ANKRD6: variants seen among roughly 807,000 people sequenced by gnomAD.
ANKRD6 encodes the protein ankyrin repeat domain-containing protein 6.
ANKRD6 carries 56 observed loss-of-function variants against 82.3 expected under a neutral mutation model. That is an observed-to-expected ratio of 0.68 (90% CI 0.55 to 0.85). The LOEUF (loss-of-function observed/expected upper bound fraction) is 0.85. ANKRD6 is among the 40% of genes least tolerant of loss of function. The probability of loss-of-function intolerance (pLI) is 0.00; values close to 1 mark genes in which losing one functional copy is unlikely to be tolerated. For missense variants in ANKRD6, 852 were observed against 907.6 expected (o/e 0.94, Z 0.79); for synonymous variants, 347 against 352.1 (o/e 0.99, Z 0.16).
chr6:89,522,615 T>C (rs1782018410), intron 1 of ANKRD6, among the ~76,000 whole-genome samples: 1 of 152,198 alleles, frequency 6.6e-6, no homozygotes, highest in Admixed American at 6.5e-5. Context: ...GACAGTGATT[T>C]AGTTAAGCTT....
intron 3 of ANKRD6, among the ~76,000 whole-genome samples, chr6:89,599,335 T>C (rs1796581340): frequency 6.6e-6 from 1 of 152,230 alleles, no homozygotes; most frequent in Non-Finnish European, 1.5e-5. Context: ...ATCATGCCAC[T>C]GCACTCTAGC....
At chr6:89,485,925 G>A (rs926282271) in intron 1 of ANKRD6, among the ~76,000 whole-genome samples, 1 of 152,070 alleles carries the variant, frequency 6.6e-6, no homozygotes, top group African/African-American at 2.4e-5. Flanking sequence ...TAACTACAGT[G>A]TTCTATTACC....
intron 1 of ANKRD6, among the ~76,000 whole-genome samples, chr6:89,456,257 A>G (rs950805718): frequency 2.6e-5 from 4 of 152,174 alleles, no homozygotes; most frequent in African/African-American, 9.7e-5. Flanking sequence ...TGTGGATTAC[A>G]TTTCAGCATG....
intron 3 of ANKRD6, chr6:89,601,724 C>T (rs1298695841): frequency 6.6e-6 from 1 of 152,126 alleles, no homozygotes; most frequent in Non-Finnish European, 1.5e-5. Context: ...GTGCAACCAT[C>T]ACCACCATCT....
chr6:89,566,897 T>G lies in ANKRD6; in HGVS notation c.-80T>G. 6.6e-7 allele frequency: 1 copy of G among 1,521,802 alleles called. No individual in the cohort carries two copies. The highest frequency in any genetic ancestry group is 8.9e-7 in the Non-Finnish European group (1 of 1,124,874). 94.3% of individuals were successfully genotyped at this position (1,521,802 alleles called of 1,614,324 possible). On this transcript the variant is annotated 5_prime_UTR_variant, in exon 2 of 16. Coordinates refer to ENST00000339746, the MANE Select transcript of ANKRD6 (RefSeq NM_001242809.2). ...GATTGTGAACATCTTTACCTCTGGG[T>G]GCCAGGCCGGGCCAGTGACTTCGTG...
At chr6:89,495,000 C>T (rs10944449) in intron 1 of ANKRD6, among the ~76,000 whole-genome samples, 42,019 of 151,936 alleles carry the variant, frequency 0.28, 6,361 homozygotes, top group Non-Finnish European at 0.35. Context: ...TTTGGGAGGC[C>T]GAGGTGGGCG....
chr6:89,502,996 C>T (rs1157764305), intron 1 of ANKRD6, among the ~76,000 whole-genome samples: 1 of 152,158 alleles, frequency 6.6e-6, no homozygotes, highest in African/African-American at 2.4e-5. Flanking sequence ...TGCACCCTCC[C>T]TATAGTGCTG....
intron 1 of ANKRD6, among the ~76,000 whole-genome samples, chr6:89,513,404 C>T (rs1470158402): frequency 6.6e-6 from 1 of 152,198 alleles, no homozygotes; most frequent in Non-Finnish European, 1.5e-5. Context: ...CCAAATCACT[C>T]TCTTGACTTA....
At chr6:89,618,145 C>A (rs778983150) in intron 9 of ANKRD6, 114 bp downstream of exon 9, 33 of 1,206,562 alleles carry the variant, frequency 2.7e-5, no homozygotes, top group Non-Finnish European at 3.9e-5. Context: ...TGGAATGTAA[C>A]CAGGCAGTGG....
intron 1 of ANKRD6, among the ~76,000 whole-genome samples, chr6:89,479,585 T>C (rs1263566270): frequency 4.6e-5 from 7 of 150,674 alleles, no homozygotes; most frequent in Admixed American, 2.6e-4. Flanking sequence ...GAATTATTTC[T>C]TTTTTTATTT....
At chr6:89,486,906 T>C (rs1208141870) in intron 1 of ANKRD6, among the ~76,000 whole-genome samples, 1 of 152,144 alleles carries the variant, frequency 6.6e-6, no homozygotes, top group African/African-American at 2.4e-5. Flanking sequence ...ATAACCTAAT[T>C]ACCTCCCCAA....
intron 1 of ANKRD6, among the ~76,000 whole-genome samples, chr6:89,527,714 T>G (rs1461090467): frequency 6.6e-6 from 1 of 151,440 alleles, no homozygotes; most frequent in Non-Finnish European, 1.5e-5. Context: ...CTGGTGGAGG[T>G]TTCTGCTGGT....
In ANKRD6 at chr6:89,616,589, G is replaced by C. The variant is rs1334836050; in HGVS notation, c.646G>C (p.Ala216Pro). 6.2e-7 allele frequency: 1 copy of C among 1,614,032 alleles called. No homozygotes were observed. The highest frequency in any genetic ancestry group is 8.5e-7 in the Non-Finnish European group (1 of 1,179,900). The change falls in exon 8 of 16, where the codon GCC becomes CCC. Residue 216 changes from alanine (A) to proline (P), a missense_variant. By Grantham distance (27) the Ala-to-Pro change is conservative (BLOSUM62 -1). Transcript: ENST00000339746. ...AGDTALHVAA[A>P]LNHKKVAKIL... is the part of the protein sequence containing the mutation. ...AGACACAGCACTTCACGTTGCTGCT[G>C]CCCTAAATCACAAGAAGGTGGCCAA... is the stretch of plus-strand genomic sequence containing the variant.
intron 1 of ANKRD6, among the ~76,000 whole-genome samples, chr6:89,490,527 G>T (rs1213410544): frequency 6.6e-6 from 1 of 152,220 alleles, no homozygotes; most frequent in Non-Finnish European, 1.5e-5. Flanking sequence ...AGTGACATGG[G>T]CCCTGCCCTG....
intron 1 of ANKRD6, among the ~76,000 whole-genome samples, chr6:89,460,431 G>GT (rs1324912107): frequency 4.6e-5 from 7 of 151,672 alleles, no homozygotes; most frequent in South Asian, 4.2e-4. Context: ...AGATTAGCAA[G>GT]TTTTTTTTGT....
At chr6:89,621,417 C>G in intron 9 of ANKRD6, 1 of 165,890 alleles carries the variant, frequency 6.0e-6, no homozygotes, top group Admixed American at 5.6e-5. Flanking sequence ...TACTATGGCT[C>G]ATAGATACAC....
At chr6:89,619,367 A>G (rs142425281) in intron 9 of ANKRD6, among the ~76,000 whole-genome samples, 1 of 152,270 alleles carries the variant, frequency 6.6e-6, no homozygotes, top group African/African-American at 2.4e-5. Context: ...GTATGTGGTA[A>G]TTTAATGGAC....
intron 1 of ANKRD6, among the ~76,000 whole-genome samples, chr6:89,541,568 A>C (rs1176664214): frequency 6.6e-6 from 1 of 151,050 alleles, no homozygotes; most frequent in East Asian, 1.9e-4. Flanking sequence ...AATTTTTTGT[A>C]TTTTTAGTAG....
intron 1 of ANKRD6, among the ~76,000 whole-genome samples, chr6:89,546,092 C>T (rs1192334636): frequency 6.6e-6 from 1 of 152,214 alleles, no homozygotes; most frequent in Non-Finnish European, 1.5e-5. Flanking sequence ...CGGCGTGAGC[C>T]ACTGCGCCCG....
Sources: gnomAD v4.1 joint callset for allele counts (sites outside exome capture counted in the v4.1 genomes callset) on GRCh38, gnomAD v4.1.1 for gene constraint, MANE v1.5 for transcripts, NCBI Gene and HGNC (gene_info 2026-07-23, HGNC 2026-07-21) for gene names.